The following MYOCD variants were observed in gnomAD, a reference collection of about 807,000 sequenced individuals.
MYOCD encodes the protein myocardin.
In MYOCD, 32 loss-of-function variants were observed where a neutral mutation model predicts 96.1. The ratio of observed to expected loss-of-function variants is 0.33; its 90% CI spans 0.25 to 0.45. MYOCD has a LOEUF of 0.45. MYOCD is among the 20% of genes least tolerant of loss of function. The pLI, the probability that MYOCD is intolerant of heterozygous loss-of-function variation, is 1.00. For missense variants in MYOCD, 1,133 were observed against 1,200.6 expected (o/e 0.94, Z 0.83); for synonymous variants, 469 against 469.0 (o/e 1.00, Z 0.00).
chr17:12,674,524 G>A (rs936202190), intron 1 of MYOCD, among the ~76,000 whole-genome samples: 8 of 152,154 alleles, frequency 5.3e-5, no homozygotes, highest in Non-Finnish European at 1.0e-4. Context: ...AAGAAGAAGA[G>A]ATTTGCTCTA....
chr17:12,759,694 G>A (rs1369198597), intron 12 of MYOCD, among the ~76,000 whole-genome samples: 1 of 152,176 alleles, frequency 6.6e-6, no homozygotes, highest in Non-Finnish European at 1.5e-5. Flanking sequence ...GAGCCAGAGA[G>A]GAGGGGGCAT....
At chr17:12,675,999 T>C (rs894724590) in intron 1 of MYOCD, among the ~76,000 whole-genome samples, 2 of 152,198 alleles carry the variant, frequency 1.3e-5, no homozygotes. Context: ...CATTTGCATC[T>C]TTTAAAATAA....
chr17:12,734,879 G>A (rs151119848), intron 5 of MYOCD, among the ~76,000 whole-genome samples: 3 of 136,996 alleles, frequency 2.2e-5, no homozygotes, highest in Non-Finnish European at 3.2e-5. Context: ...ATGGTAAAGC[G>A]ATAATGACTT....
At chr17:12,697,798 A>G (rs577509382) in intron 1 of MYOCD, among the ~76,000 whole-genome samples, 1 of 152,220 alleles carries the variant, frequency 6.6e-6, no homozygotes, top group South Asian at 2.1e-4. Flanking sequence ...AGAACTTAGC[A>G]CCTAGAAACA....
At chr17:12,755,729 G>A (rs751915928) in intron 10 of MYOCD, among the ~76,000 whole-genome samples, 14 of 152,004 alleles carry the variant, frequency 9.2e-5, no homozygotes, top group Non-Finnish European at 1.6e-4. Context: ...AAAATTAGCC[G>A]GGCGTGGTGG....
chr17:12,667,025 G>A (rs1346637444), intron 1 of MYOCD, among the ~76,000 whole-genome samples: 1 of 152,200 alleles, frequency 6.6e-6, no homozygotes, highest in African/African-American at 2.4e-5. Flanking sequence ...CAGTAGCTCT[G>A]TGTATAATGT....
chr17:12,759,867 C>T (rs1253481236), intron 12 of MYOCD, among the ~76,000 whole-genome samples: 2 of 152,196 alleles, frequency 1.3e-5, no homozygotes, highest in African/African-American at 4.8e-5. Flanking sequence ...AGATGTCCTG[C>T]TCCTGGGATG....
At chr17:12,753,371 G>T in intron 10 of MYOCD, 25 bp downstream of exon 10, 1 of 1,518,456 alleles carries the variant, frequency 6.6e-7, no homozygotes, top group Non-Finnish European at 8.8e-7. Context: ...CGCCATGCCT[G>T]GTGCACACTT....
At chr17:12,721,245 T>C (rs1402763041) in intron 4 of MYOCD, among the ~76,000 whole-genome samples, 2 of 152,148 alleles carry the variant, frequency 1.3e-5, no homozygotes, top group African/African-American at 4.8e-5. Context: ...TTCAATTGCA[T>C]GTCTCTGGTG....
At position 12,767,358 on chromosome 17, in the gene MYOCD, T is replaced by G. The variant is rs1204849055; in HGVS notation, c.*3714T>G. ...TCAAAATAGTCCTTTCCAAATGTTA[T>G]TTATTTTAAAGTCAATCAGCTCTTT... On this transcript the variant is annotated 3_prime_UTR_variant, in exon 14 of 14. Transcript: ENST00000425538. 8 of 152,216 alleles carry G rather than the reference T, an allele frequency of 5.3e-5. No homozygotes were observed. The highest frequency in any genetic ancestry group is 1.0e-4 in the Non-Finnish European group (7 of 68,032). The allele number at this position is 152,216 out of a possible 1,614,324, so 9.4% of individuals were successfully genotyped here.
chr17:12,716,363 CAG>C (rs141749783), intron 3 of MYOCD, among the ~76,000 whole-genome samples: 74,746 of 151,858 alleles, frequency 0.49, 20,766 homozygotes, highest in Non-Finnish European at 0.63. Context: ...AGACCCCTCT[CAG>C]GGGGCCACTG....
chr17:12,763,054 C>T lies in MYOCD; in HGVS notation c.2390-19C>T, dbSNP rs2033226036. On this transcript the variant is annotated intron_variant, in intron 13 of 13. Transcript: ENST00000425538. Reference sequence around the variant, plus strand: ...CAATTTGAAGTGATTTAACAAGTCACATCGTGTATTGCCCACAGAAATGCC... The same window carrying T: ...CAATTTGAAGTGATTTAACAAGTCATATCGTGTATTGCCCACAGAAATGCC... The T allele has an allele frequency of 1.3e-6, 2 of 1,582,874 alleles. No homozygotes were observed. The highest frequency in any genetic ancestry group is 1.4e-5 in the African/African-American group (1 of 73,878).
chr17:12,667,434 C>T (rs771892139), intron 1 of MYOCD, among the ~76,000 whole-genome samples: 10 of 152,288 alleles, frequency 6.6e-5, no homozygotes, highest in South Asian at 2.1e-4. Flanking sequence ...CCACTGGGGT[C>T]GGCAGTGGAT....
intron 5 of MYOCD, among the ~76,000 whole-genome samples, chr17:12,723,556 A>G (rs2031910358): frequency 6.6e-6 from 1 of 152,230 alleles, no homozygotes; most frequent in African/African-American, 2.4e-5. Flanking sequence ...TCAAAGGACA[A>G]ATACTCAAAA....
chr17:12,763,862 C>T lies in MYOCD; in HGVS notation c.*218C>T, dbSNP rs2033260170. ...GTAACTGTTAATGATTTCAACAATG[C>T]ATTAAAAGAATGTGCTTTCTCAGAT... On this transcript the variant is annotated 3_prime_UTR_variant, in exon 14 of 14. Transcript: ENST00000425538. The T allele has an allele frequency of 6.8e-6, 3 of 438,408 alleles. No individual in the cohort carries two copies. Among genetic ancestry groups the T allele is most frequent in the Non-Finnish European group, 7.9e-6 (2 of 252,132 alleles). 27.2% of individuals were successfully genotyped at this position (438,408 alleles called of 1,614,324 possible).
chr17:12,702,471 T>C (rs1227204529), intron 1 of MYOCD, among the ~76,000 whole-genome samples: 1 of 152,048 alleles, frequency 6.6e-6, no homozygotes, highest in Admixed American at 6.6e-5. Flanking sequence ...AACATATAAT[T>C]GAATATGGCC....
At chr17:12,716,863 G>A (rs1240712568) in intron 3 of MYOCD, among the ~76,000 whole-genome samples, 1 of 151,816 alleles carries the variant, frequency 6.6e-6, no homozygotes, top group Non-Finnish European at 1.5e-5. Flanking sequence ...GGTGATGCAT[G>A]CCTGTGGTCC....
intron 5 of MYOCD, among the ~76,000 whole-genome samples, chr17:12,735,442 T>C (rs2032313046): frequency 1.3e-5 from 2 of 151,740 alleles, no homozygotes; most frequent in Admixed American, 1.3e-4. Flanking sequence ...AGAGGAAGAG[T>C]CTCTGCTTGT....
chr17:12,721,799 C>G (rs1343873825), intron 4 of MYOCD, among the ~76,000 whole-genome samples: 2 of 152,204 alleles, frequency 1.3e-5, no homozygotes, highest in African/African-American at 4.8e-5. Context: ...GGCAGAGAGC[C>G]AGCAAGCTGC....
Sources: allele counts gnomAD v4.1 joint callset (sites outside exome capture counted in the v4.1 genomes callset), GRCh38; gene constraint gnomAD v4.1.1; transcripts MANE v1.5; gene names NCBI Gene and HGNC (gene_info 2026-07-23, HGNC 2026-07-21).